SNTG1: variants seen among roughly 807,000 people sequenced by gnomAD.
SNTG1 encodes the protein syntrophin gamma 1.
In SNTG1, 39 loss-of-function variants were observed where a neutral mutation model predicts 74.7. That is an observed-to-expected ratio of 0.52 (90% CI 0.40 to 0.68). The LOEUF is 0.68. SNTG1 is among the 30% of genes least tolerant of loss of function. SNTG1 has a pLI of 0.00. For missense variants in SNTG1, 685 were observed against 609.5 expected, an observed-to-expected ratio of 1.12 and a Z score of -1.30; for synonymous variants, 254 against 217.1, an observed-to-expected ratio of 1.17 and a Z score of -1.49.
intron 4 of SNTG1, among the ~76,000 whole-genome samples, chr8:50,413,891 T>G (rs2092982287): frequency 6.6e-6 from 1 of 152,210 alleles, no homozygotes; most frequent in Admixed American, 6.5e-5. Flanking sequence ...TATTATGATT[T>G]TCACTTCTGG....
intron 2 of SNTG1, among the ~76,000 whole-genome samples, chr8:50,298,157 G>A (rs7820924): frequency 0.011 from 1,607 of 152,176 alleles, 30 homozygotes; most frequent in African/African-American, 0.037. Context: ...ATCTCCCAGA[G>A]ATGGACAAAT....
chr8:50,422,176 G>T (rs893262978), intron 4 of SNTG1, among the ~76,000 whole-genome samples: 2 of 152,074 alleles, frequency 1.3e-5, no homozygotes, highest in Non-Finnish European at 2.9e-5. Context: ...TGGCCAGAAG[G>T]CAGCCATTTC....
chr8:50,683,689 T>A (rs2095340370), intron 15 of SNTG1, among the ~76,000 whole-genome samples: 1 of 152,206 alleles, frequency 6.6e-6, no homozygotes, highest in South Asian at 2.1e-4. Context: ...CAGATCCATA[T>A]GAGTCCATTC....
rs2093437850 is a variant in SNTG1, at chr8:50,449,687, T to C, written c.239T>C (p.Ile80Thr). ...TTTCAGGGAGGAGCAGAACATAACA[T>C]TCCAGTTGTCGTTTCAAAAATCTCC... Reference protein sequence around the residue: ...LSIKGGAEHNIPVVVSKISKE... With the variant: ...LSIKGGAEHNTPVVVSKISKE... The change falls in exon 6 of 19, where the codon ATT (isoleucine) becomes ACT (threonine). Residue 80 changes from isoleucine (I) to threonine (T), a missense_variant. Physicochemically the swap from Ile to Thr is moderately conservative, Grantham distance 89. Coordinates refer to ENST00000642720, the MANE Select transcript of SNTG1 (RefSeq NM_018967.5). The C allele has an allele frequency of 1.3e-6, 2 of 1,599,850 alleles. No individual in the cohort carries two copies. Among genetic ancestry groups the C allele is most frequent in the East Asian group, 2.2e-5 (1 of 44,468 alleles).
chr8:50,667,351 G>T (rs1250029954), intron 15 of SNTG1, among the ~76,000 whole-genome samples: 1 of 151,962 alleles, frequency 6.6e-6, no homozygotes, highest in Non-Finnish European at 1.5e-5. Context: ...GTTTTCTGTT[G>T]CTATAACTGA....
chr8:50,176,432 C>T, intron 2 of SNTG1, among the ~76,000 whole-genome samples: 1 of 152,202 alleles, frequency 6.6e-6, no homozygotes, highest in East Asian at 1.9e-4. Flanking sequence ...CCAGTACTGA[C>T]TTCATATCCT....
At chr8:50,142,787 C>T (rs1245341888) in intron 1 of SNTG1, among the ~76,000 whole-genome samples, 1 of 152,100 alleles carries the variant, frequency 6.6e-6, no homozygotes, top group African/African-American at 2.4e-5. Context: ...AAAATAAAGT[C>T]CATGACCAGT....
At chr8:50,611,872 T>C (rs916239695) in intron 13 of SNTG1, among the ~76,000 whole-genome samples, 1 of 152,124 alleles carries the variant, frequency 6.6e-6, no homozygotes, top group African/African-American at 2.4e-5. Context: ...GTTCAAACAA[T>C]CCTCCTACCT....
At chr8:50,073,725 T>C (rs1821578752) in intron 1 of SNTG1, among the ~76,000 whole-genome samples, 1 of 152,062 alleles carries the variant, frequency 6.6e-6, no homozygotes, top group Non-Finnish European at 1.5e-5. Flanking sequence ...GGAAAAAACA[T>C]TAATCTCCTT....
At chr8:50,122,555 C>T (rs1319509268) in intron 1 of SNTG1, among the ~76,000 whole-genome samples, 3 of 141,818 alleles carry the variant, frequency 2.1e-5, no homozygotes, top group South Asian at 2.7e-4. Flanking sequence ...CATTGAGGCT[C>T]GTAGCTCATA....
At chr8:50,289,887 G>A (rs2088995716) in intron 2 of SNTG1, among the ~76,000 whole-genome samples, 3 of 152,070 alleles carry the variant, frequency 2.0e-5, no homozygotes, top group Admixed American at 1.3e-4. Flanking sequence ...CCCTTTTATA[G>A]CAAGGGAATG....
chr8:50,465,693 A>G (rs2093603503), intron 8 of SNTG1, among the ~76,000 whole-genome samples: 1 of 152,192 alleles, frequency 6.6e-6, no homozygotes, highest in Non-Finnish European at 1.5e-5. Flanking sequence ...AGTAATTAAA[A>G]TTGTGAAAAT....
At chr8:50,790,155 T>C (rs1298348850) in intron 18 of SNTG1, among the ~76,000 whole-genome samples, 1 of 152,004 alleles carries the variant, frequency 6.6e-6, no homozygotes, top group Non-Finnish European at 1.5e-5. Flanking sequence ...GTAACTGTCA[T>C]ATTCTGACAT....
intron 15 of SNTG1, among the ~76,000 whole-genome samples, chr8:50,670,134 G>T (rs897281677): frequency 6.6e-6 from 1 of 152,194 alleles, no homozygotes; most frequent in African/African-American, 2.4e-5. Flanking sequence ...ACTGGCACAA[G>T]ACAGGGATGC....
chr8:50,207,070 G>T (rs547680541), intron 2 of SNTG1, among the ~76,000 whole-genome samples: 1 of 152,286 alleles, frequency 6.6e-6, no homozygotes, highest in South Asian at 2.1e-4. Context: ...TCAGGATGAT[G>T]CTGGCCTCAT....
At chr8:50,425,258 A>AC (rs368963272) in intron 4 of SNTG1, among the ~76,000 whole-genome samples, 129,470 of 151,560 alleles carry the variant, frequency 0.85, 55,415 homozygotes, top group Non-Finnish European at 0.89. Context: ...GCAGGAGGTG[A>AC]CTGCTGCTGG....
At chr8:50,348,905 AT>A (rs1008077778) in intron 2 of SNTG1, among the ~76,000 whole-genome samples, 12 of 152,188 alleles carry the variant, frequency 7.9e-5, no homozygotes, top group African/African-American at 2.7e-4. Flanking sequence ...GTAAGAAGAC[AT>A]TTCAGTATAT....
At chr8:50,294,773 T>C (rs909710242) in intron 2 of SNTG1, among the ~76,000 whole-genome samples, 3 of 152,148 alleles carry the variant, frequency 2.0e-5, no homozygotes, top group African/African-American at 7.2e-5. Context: ...TCAGCCAAAT[T>C]GACAATAAAA....
intron 18 of SNTG1, among the ~76,000 whole-genome samples, chr8:50,781,657 C>T (rs1360631164): frequency 1.3e-5 from 2 of 152,114 alleles, no homozygotes; most frequent in African/African-American, 2.4e-5. Flanking sequence ...ACTGTTTATC[C>T]AATTTGCCAG....
Sources: gnomAD v4.1 joint callset for allele counts (sites outside exome capture counted in the v4.1 genomes callset) on GRCh38, gnomAD v4.1.1 for gene constraint, MANE v1.5 for transcripts, NCBI Gene and HGNC (gene_info 2026-07-23, HGNC 2026-07-21) for gene names.